Variants in LIFR observed in about 807,000 individuals in gnomAD.
LIFR encodes the protein leukemia inhibitory factor receptor.
A neutral mutation model predicts 122.2 loss-of-function variants in LIFR; 84 were observed. The observed-to-expected ratio is 0.69, with a 90% confidence interval of 0.58 to 0.82. LIFR has a LOEUF of 0.82. LIFR is among the 40% of genes least tolerant of loss of function. LIFR has a pLI of 0.00. For synonymous variants in LIFR, 422 were observed against 434.7 expected, an observed-to-expected ratio of 0.97 and a Z score of 0.36; for missense variants, 1,294 against 1,311.6, an observed-to-expected ratio of 0.99 and a Z score of 0.21.
intron 2 of LIFR, among the ~76,000 whole-genome samples, chr5:38,602,594 T>C (rs898944935): frequency 4.6e-5 from 7 of 152,232 alleles, no homozygotes; most frequent in African/African-American, 1.7e-4. Context: ...TTTAGGTTTT[T>C]ATCTTGCCGT....
In LIFR at chr5:38,539,106, G is replaced by A. The variant is rs541276855; in HGVS notation, c.-19-8440C>T. Among the ~76,000 whole-genome samples the A allele has an allele frequency of 7.9e-5, 12 of 152,166 alleles. No individual in the cohort carries two copies. In the South Asian group the frequency reaches 2.1e-3, roughly 26 times the overall value. The stretch of plus-strand genomic sequence containing the variant: ...CTCCCGAGTAGCTGGGACTACAGGC[G>A]CCTGCCACTGTGCCTGGCTAATTTT... On this transcript the variant is annotated intron_variant, in intron 1 of 19. Transcript: ENST00000453190.
upstream of LIFR, among the ~76,000 whole-genome samples, chr5:38,598,224 T>A (rs572955378): frequency 2.3e-4 from 15 of 64,664 alleles, no homozygotes; most frequent in African/African-American, 1.2e-3. Context: ...TTTTTTTTTT[T>A]TTTTTTTTAT....
chr5:38,538,055 T>A (rs1473017816), intron 1 of LIFR, among the ~76,000 whole-genome samples: 1 of 152,202 alleles, frequency 6.6e-6, no homozygotes, highest in Non-Finnish European at 1.5e-5. Context: ...GTTTCACATT[T>A]TAAGCTTCAT....
At chr5:38,500,626 G>T (rs773675964) in intron 11 of LIFR, among the ~76,000 whole-genome samples, 1 of 152,162 alleles carries the variant, frequency 6.6e-6, no homozygotes, top group African/African-American at 2.4e-5. Context: ...TTCAGATTAC[G>T]TATGTTCAAT....
At chr5:38,564,547 A>C (rs1748942823) in intron 1 of LIFR, among the ~76,000 whole-genome samples, 1 of 151,620 alleles carries the variant, frequency 6.6e-6, no homozygotes, top group Non-Finnish European at 1.5e-5. Context: ...ACTGCTATTC[A>C]TCTCTGGTGG....
intron 1 of LIFR, among the ~76,000 whole-genome samples, chr5:38,552,890 T>C (rs1415643141): frequency 6.6e-6 from 1 of 152,360 alleles, no homozygotes; most frequent in East Asian, 1.9e-4. Context: ...TAACTATTCA[T>C]AGCCCACTAT....
At chr5:38,493,257 T>C (rs1208879989) in intron 14 of LIFR, among the ~76,000 whole-genome samples, 2 of 152,234 alleles carry the variant, frequency 1.3e-5, no homozygotes, top group Non-Finnish European at 2.9e-5. Flanking sequence ...ACATAATTTT[T>C]AATGTTACTT....
intron 5 of LIFR, among the ~76,000 whole-genome samples, chr5:38,518,352 G>C (rs996847076): frequency 1.3e-5 from 2 of 152,074 alleles, no homozygotes; most frequent in African/African-American, 2.4e-5. Context: ...TGTAAAATGG[G>C]AATAATAATA....
intron 10 of LIFR, among the ~76,000 whole-genome samples, chr5:38,503,343 A>C (rs1337673112): frequency 3.9e-5 from 6 of 152,314 alleles, no homozygotes; most frequent in African/African-American, 1.2e-4. Context: ...AATATAGTTA[A>C]AATGAAACAT....
At chr5:38,602,108 G>A (rs760188853) in intron 2 of LIFR, among the ~76,000 whole-genome samples, 3 of 152,076 alleles carry the variant, frequency 2.0e-5, no homozygotes, top group Non-Finnish European at 4.4e-5. Context: ...TATTCCAGTC[G>A]TTTATCAACC....
At chr5:38,605,004 G>GTC (rs1750296770) in intron 2 of LIFR, among the ~76,000 whole-genome samples, 1 of 152,150 alleles carries the variant, frequency 6.6e-6, no homozygotes, top group African/African-American at 2.4e-5. Flanking sequence ...AGAAAGGAAT[G>GTC]TCTGGGTTAT....
At chr5:38,516,009 C>T (rs914616634) in intron 5 of LIFR, among the ~76,000 whole-genome samples, 1 of 152,256 alleles carries the variant, frequency 6.6e-6, no homozygotes, top group Non-Finnish European at 1.5e-5. Context: ...ACATTAATAA[C>T]GTACTATTAA....
intron 14 of LIFR, among the ~76,000 whole-genome samples, chr5:38,493,037 G>C (rs890699201): frequency 2.6e-5 from 4 of 152,120 alleles, no homozygotes; most frequent in Non-Finnish European, 5.9e-5. Flanking sequence ...CTCATGGAAC[G>C]CAAGGCCTCC....
chr5:38,484,957 A>T, intron 17 of LIFR, 89 bp from the exon 18 acceptor site: 1 of 921,838 alleles, frequency 1.1e-6, no homozygotes, highest in South Asian at 1.4e-5. Flanking sequence ...TAGGTTGGTA[A>T]ATTATTTAGG....
chr5:38,574,101 G>C (rs1749305397), intron 1 of LIFR, among the ~76,000 whole-genome samples: 1 of 152,022 alleles, frequency 6.6e-6, no homozygotes, highest in African/African-American at 2.4e-5. Flanking sequence ...GGGCAACAGA[G>C]TGAGACTCCA....
chr5:38,503,131 C>T (rs542426879), intron 10 of LIFR, among the ~76,000 whole-genome samples: 51 of 152,040 alleles, frequency 3.4e-4, no homozygotes, highest in Non-Finnish European at 6.3e-4. Context: ...AATCAAAGGG[C>T]TAATGGTGAT....
At chr5:38,575,900 A>G (rs1749369254) in intron 1 of LIFR, among the ~76,000 whole-genome samples, 1 of 152,170 alleles carries the variant, frequency 6.6e-6, no homozygotes, top group Non-Finnish European at 1.5e-5. Context: ...GATACTTGGA[A>G]TGGTAGGCCT....
rs1188084558 is a variant in LIFR, at chr5:38,474,772, C to A, written c.*6823G>T. ...AGGTAAACAATAATGACTTAATGGA[C>A]AGATGGATGTTACACCAATGGCACA... On this transcript the variant is annotated 3_prime_UTR_variant, in exon 20 of 20. Coordinates refer to ENST00000453190, the MANE Select transcript of LIFR (RefSeq NM_001127671.2). Among the ~76,000 whole-genome samples the A allele has an allele frequency of 6.6e-6, 1 of 152,072 alleles. No homozygotes were observed. Among genetic ancestry groups the A allele is most frequent in the Non-Finnish European group, 1.5e-5 (1 of 68,012 alleles).
chr5:38,593,680 T>A (rs766952470), intron 1 of LIFR, among the ~76,000 whole-genome samples: 1 of 152,178 alleles, frequency 6.6e-6, no homozygotes, highest in African/African-American at 2.4e-5. Context: ...TAACCCTTAA[T>A]GTGATGGCAT....
Sources: allele counts gnomAD v4.1 joint callset (sites outside exome capture counted in the v4.1 genomes callset), GRCh38; gene constraint gnomAD v4.1.1; transcripts MANE v1.5; gene names NCBI Gene and HGNC (gene_info 2026-07-23, HGNC 2026-07-21).